Variants in SYNRG observed in about 807,000 individuals in gnomAD.
The protein encoded by SYNRG is synergin gamma, also known as AP1 gamma subunit binding protein 1.
A neutral mutation model predicts 130.9 loss-of-function variants in SYNRG; 37 were observed. The observed-to-expected ratio is 0.28, with a 90% CI of 0.22 to 0.37. The LOEUF (loss-of-function observed/expected upper bound fraction) is 0.37, where lower values mean the gene tolerates loss of function less well. SYNRG is among the 10% of genes least tolerant of loss of function. The pLI, the probability that SYNRG is intolerant of heterozygous loss-of-function variation, is 1.00. For missense variants in SYNRG, 1,338 were observed against 1,588.9 expected (o/e 0.84, Z 2.68); for synonymous variants, 539 against 568.1 (o/e 0.95, Z 0.73).
At chr17:37,596,187 A>G (rs750953890) in intron 3 of SYNRG, 36 bp downstream of exon 3, 5 of 1,607,990 alleles carry the variant, frequency 3.1e-6, no homozygotes, top group Admixed American at 1.7e-5. Context: ...ACAACAAACA[A>G]TAACTTTGTA....
In SYNRG at chr17:37,515,377, T is replaced by C. The variant is rs1236992690; in HGVS notation, c.*3563A>G. The C allele has an allele frequency of 6.9e-6, 1 of 145,144 alleles. No individual in the cohort carries two copies. The highest frequency in any genetic ancestry group is 1.5e-5 in the Non-Finnish European group (1 of 67,180). The allele number at this position is 145,144 out of a possible 1,614,324, so 9.0% of individuals were successfully genotyped here. On this transcript the variant is annotated 3_prime_UTR_variant, in exon 22 of 22. Transcript: ENST00000612223. ...AATGGTCTACAGCAGGCTACAATGC[T>C]CCCTTCTGAATGGCAAATGTCTGAA...
At chr17:37,541,824 T>A (rs934369428) in intron 15 of SYNRG, 148 bp downstream of exon 15, 3 of 770,888 alleles carry the variant, frequency 3.9e-6, no homozygotes, top group Non-Finnish European at 6.2e-6. Flanking sequence ...GAAATCTTTA[T>A]TATAGCTATC....
rs967544688 is a variant in SYNRG at position 37,541,045 on chromosome 17, G to A, written c.3203-502C>T. The A allele has an allele frequency of 2.0e-5, 20 of 985,698 alleles. No individual in the cohort carries two copies. In the African/African-American group the frequency reaches 3.0e-4, roughly 15 times the overall value. 61.1% of individuals were successfully genotyped at this position (985,698 alleles called of 1,614,324 possible). A position where few individuals can be genotyped will look rare whatever the true frequency, so the allele number is the denominator to read the frequency against. ...TCTTTTCTACTGTTCTCTCTTGCAC[G>A]GTTTCCCTGCGTTTCGTTTTCAACA... On this transcript the variant is annotated intron_variant, in intron 15 of 21. Coordinates refer to ENST00000612223, the MANE Select transcript of SYNRG (RefSeq NM_007247.6).
At chr17:37,592,183 T>A (rs1302342088) in intron 3 of SYNRG, among the ~76,000 whole-genome samples, 3 of 152,058 alleles carry the variant, frequency 2.0e-5, no homozygotes, top group Non-Finnish European at 2.9e-5. Flanking sequence ...TGATGGTAAA[T>A]AAACAAATGA....
intron 8 of SYNRG, among the ~76,000 whole-genome samples, chr17:37,573,113 CAT>C (rs767571410): frequency 1.3e-5 from 2 of 152,068 alleles, no homozygotes; most frequent in Non-Finnish European, 2.9e-5. Context: ...CATAAGAACA[CAT>C]ATTTTTGGCC....
In SYNRG at chr17:37,515,258, T is replaced by G. The variant is rs577416999; in HGVS notation, c.*3682A>C. ...AGGGGAGGGCTTTTCAGTATTGTTA[T>G]TTGGTACACACTTACCTGAAGAAAT... is the stretch of plus-strand genomic sequence containing the variant. On this transcript the variant is annotated 3_prime_UTR_variant, in exon 22 of 22. Transcript: ENST00000612223. 6.6e-6 allele frequency: 1 copy of G among 152,214 alleles called. No individual in the cohort carries two copies. 9.4% of individuals were successfully genotyped at this position (152,214 alleles called of 1,614,324 possible). A position where few individuals can be genotyped will look rare whatever the true frequency, so the allele number is the denominator to read the frequency against.
intron 19 of SYNRG, among the ~76,000 whole-genome samples, chr17:37,523,967 C>G (rs192641755): frequency 2.0e-5 from 3 of 152,294 alleles, no homozygotes; most frequent in East Asian, 1.9e-4. Flanking sequence ...AGTGAGACAA[C>G]GGGAGGGTCG....
chr17:37,600,052 T>C (rs2063131384), intron 2 of SYNRG, among the ~76,000 whole-genome samples: 1 of 152,218 alleles, frequency 6.6e-6, no homozygotes, highest in Non-Finnish European at 1.5e-5. Context: ...TTACAGCTCG[T>C]TTCATTTTTA....
rs2054413389 is a variant in SYNRG at position 37,516,205 on chromosome 17, C to G, written c.*2735G>C. The G allele has an allele frequency of 6.6e-6, 1 of 152,160 alleles. No individual in the cohort carries two copies. The highest frequency in any genetic ancestry group is 6.5e-5 in the Admixed American group (1 of 15,270). The allele number at this position is 152,160 out of a possible 1,614,324, so 9.4% of individuals were successfully genotyped here. On this transcript the variant is annotated 3_prime_UTR_variant, in exon 22 of 22. Coordinates refer to ENST00000612223, the MANE Select transcript of SYNRG (RefSeq NM_007247.6). ...AAATAAGTAACCTTGGCTACAGTTT[C>G]CAAGGACACGGGGCTCCTGGCTGAC...
chr17:37,544,867 G>A (rs867877963), intron 14 of SYNRG, among the ~76,000 whole-genome samples: 35 of 152,036 alleles, frequency 2.3e-4, no homozygotes, highest in African/African-American at 5.3e-4. Flanking sequence ...CGACGAAAGC[G>A]TTTTGGGAAA....
intron 6 of SYNRG, among the ~76,000 whole-genome samples, chr17:37,582,686 T>C (rs561798136): frequency 6.6e-6 from 1 of 151,942 alleles, no homozygotes; most frequent in African/African-American, 2.4e-5. Context: ...CATGGTGAAA[T>C]CCCGTCTCTA....
intron 19 of SYNRG, among the ~76,000 whole-genome samples, chr17:37,525,758 G>GACAT (rs2055784556): frequency 1.3e-5 from 2 of 152,340 alleles, no homozygotes; most frequent in Non-Finnish European, 2.9e-5. Flanking sequence ...ACGAGGTCAG[G>GACAT]CTTTGGAGAC....
intron 6 of SYNRG, chr17:37,579,354 TAA>T (rs1245591689): frequency 7.7e-7 from 1 of 1,304,280 alleles, no homozygotes; most frequent in East Asian, 5.5e-5. Context: ...GGCCCCTGCA[TAA>T]AGTCACTGAA....
chr17:37,605,305 T>TTAAA (rs1169350195), intron 1 of SYNRG, among the ~76,000 whole-genome samples: 7 of 152,216 alleles, frequency 4.6e-5, no homozygotes, highest in Non-Finnish European at 8.8e-5. Context: ...GCTTAAACAT[T>TTAAA]TAAATTAGTC....
At position 37,539,281 on chromosome 17, in the gene SYNRG, C is replaced by G. The variant is rs778274379; in HGVS notation, c.3367-36G>C. On this transcript the variant is annotated intron_variant, in intron 16 of 21. Transcript: ENST00000612223. ...GTTAAAAAGAACTGGGTTAAACACA[C>G]AAACCTGGAATCTTCTATTGATGAC... 4.4e-6 allele frequency: 7 copies of G among 1,606,384 alleles called. No homozygotes were observed. The African/African-American group carries it at 5.3e-5, about 12-fold the overall frequency.
chr17:37,606,534 G>A (rs1054311097), intron 1 of SYNRG, among the ~76,000 whole-genome samples: 1 of 151,972 alleles, frequency 6.6e-6, no homozygotes, highest in African/African-American at 2.4e-5. Context: ...TGGGGACCAT[G>A]TTTTGATGTC....
At chr17:37,590,981 A>G (rs968530366) in intron 3 of SYNRG, among the ~76,000 whole-genome samples, 1 of 152,186 alleles carries the variant, frequency 6.6e-6, no homozygotes, top group Admixed American at 6.5e-5. Flanking sequence ...GAAGGAGAGG[A>G]AGGAAAGTAT....
At chr17:37,535,853 T>C in intron 19 of SYNRG, 126 bp downstream of exon 19, 4 of 1,298,806 alleles carry the variant, frequency 3.1e-6, no homozygotes, top group Non-Finnish European at 4.3e-6. Context: ...TCTCCCTCCT[T>C]TAATATAACA....
intron 1 of SYNRG, among the ~76,000 whole-genome samples, chr17:37,606,468 G>A (rs1568568634): frequency 6.6e-6 from 1 of 152,188 alleles, no homozygotes. Context: ...AGAAGAACGT[G>A]ACCTCTTTGT....
Sources: gnomAD v4.1 joint callset for allele counts (sites outside exome capture counted in the v4.1 genomes callset) on GRCh38, gnomAD v4.1.1 for gene constraint, MANE v1.5 for transcripts, NCBI Gene and HGNC (gene_info 2026-07-23, HGNC 2026-07-21) for gene names.